HOMER1: variants seen among roughly 807,000 people sequenced by gnomAD.
HOMER1 encodes homer protein homolog 1.
A neutral mutation model predicts 48.9 loss-of-function variants in HOMER1; 3 were observed. That is an observed-to-expected ratio of 0.06 (90% CI 0.03 to 0.16). The LOEUF (loss-of-function observed/expected upper bound fraction) is 0.16, where lower values mean the gene tolerates loss of function less well. Among genes scored for constraint, HOMER1 ranks in the 10% least tolerant of loss-of-function variants. HOMER1 has a pLI of 1.00. For missense variants in HOMER1, 247 were observed against 411.4 expected, an observed-to-expected ratio of 0.60 and a Z score of 3.46; for synonymous variants, 134 against 146.4, an observed-to-expected ratio of 0.92 and a Z score of 0.61.
intron 5 of HOMER1, among the ~76,000 whole-genome samples, chr5:79,420,627 G>C (rs1750069943): frequency 6.6e-6 from 1 of 152,146 alleles, no homozygotes; most frequent in Non-Finnish European, 1.5e-5. Flanking sequence ...GTTCACTAAT[G>C]TTTGCCTGGC....
intron 1 of HOMER1, among the ~76,000 whole-genome samples, chr5:79,506,886 T>C (rs1480344307): frequency 6.6e-6 from 1 of 151,776 alleles, no homozygotes; most frequent in Non-Finnish European, 1.5e-5. Flanking sequence ...ATTCACATAC[T>C]GAAGACCATT....
chr5:79,486,584 A>G (rs1424051317), intron 1 of HOMER1, among the ~76,000 whole-genome samples: 4 of 152,226 alleles, frequency 2.6e-5, no homozygotes, highest in African/African-American at 9.7e-5. Context: ...GGTAAATACT[A>G]TTAGAACATC....
intron 1 of HOMER1, among the ~76,000 whole-genome samples, chr5:79,479,677 C>T (rs1228023718): frequency 6.6e-6 from 1 of 151,462 alleles, no homozygotes; most frequent in Non-Finnish European, 1.5e-5. Context: ...TGAGAATGAA[C>T]GTGTGTTGTT....
chr5:79,432,221 C>G (rs1750445179), intron 5 of HOMER1, among the ~76,000 whole-genome samples: 1 of 152,220 alleles, frequency 6.6e-6, no homozygotes, highest in Non-Finnish European at 1.5e-5. Flanking sequence ...TAGAGCAAAA[C>G]TGTCCGTATC....
At chr5:79,431,692 C>T (rs867077167) in intron 5 of HOMER1, among the ~76,000 whole-genome samples, 106 of 152,130 alleles carry the variant, frequency 7.0e-4, no homozygotes, top group African/African-American at 2.5e-3. Context: ...ACAATTTTGT[C>T]AACAGTGAAT....
chr5:79,443,487 G>A (rs559612840), intron 4 of HOMER1, among the ~76,000 whole-genome samples: 2 of 152,122 alleles, frequency 1.3e-5, no homozygotes, highest in South Asian at 4.1e-4. Flanking sequence ...GAATTCTGAC[G>A]CATAGTATTT....
chr5:79,470,778 C>T (rs1199002703), intron 1 of HOMER1, among the ~76,000 whole-genome samples: 1 of 152,116 alleles, frequency 6.6e-6, no homozygotes, highest in Non-Finnish European at 1.5e-5. Flanking sequence ...CTGAAAAACA[C>T]CTTAGCAATG....
chr5:79,409,754 C>T (rs964630011), intron 5 of HOMER1, among the ~76,000 whole-genome samples: 1 of 152,196 alleles, frequency 6.6e-6, no homozygotes, highest in African/African-American at 2.4e-5. Context: ...TAAACAGGTG[C>T]TAAGCACTTG....
intron 6 of HOMER1, among the ~76,000 whole-genome samples, chr5:79,400,851 C>A (rs1480268804): frequency 6.8e-6 from 1 of 147,404 alleles, no homozygotes; most frequent in Non-Finnish European, 1.5e-5. Flanking sequence ...CTCAAGCAAT[C>A]CTTCCCACTC....
intron 1 of HOMER1, among the ~76,000 whole-genome samples, chr5:79,486,342 G>A (rs771098861): frequency 2.0e-5 from 3 of 151,884 alleles, no homozygotes; most frequent in Non-Finnish European, 4.4e-5. Context: ...GAGACAATGA[G>A]AACAATGTGC....
chr5:79,390,310 CAAA>C (rs933849173), intron 8 of HOMER1, among the ~76,000 whole-genome samples: 1 of 151,236 alleles, frequency 6.6e-6, no homozygotes, highest in Admixed American at 6.6e-5. Flanking sequence ...AACAAACAAA[CAAA>C]AACCCCCAAA....
chr5:79,391,698 G>A (rs565271021), intron 8 of HOMER1, among the ~76,000 whole-genome samples: 99 of 151,186 alleles, frequency 6.5e-4, no homozygotes, highest in Non-Finnish European at 1.2e-3. Context: ...AGCTGAGATC[G>A]CGCCACTGCA....
chr5:79,431,068 C>G (rs2112263484), intron 5 of HOMER1, among the ~76,000 whole-genome samples: 1 of 152,336 alleles, frequency 6.6e-6, no homozygotes. Context: ...CAGTGGCTCA[C>G]ACCTGTAATC....
chr5:79,395,014 T>C (rs1449181484), intron 8 of HOMER1, among the ~76,000 whole-genome samples: 1 of 152,226 alleles, frequency 6.6e-6, no homozygotes, highest in African/African-American at 2.4e-5. Flanking sequence ...TGACTGTTTG[T>C]TGCTTGAAGA....
rs1748688832 is a variant in HOMER1, at chr5:79,373,654, A to G, written c.*2355T>C. On this transcript the variant is annotated 3_prime_UTR_variant, in exon 9 of 9. Coordinates refer to ENST00000334082, the MANE Select transcript of HOMER1 (RefSeq NM_004272.5). ...TAAAAGTCTTAAGAAGATTTTATTT[A>G]TATGTGCACTTGTGTCCACCTTATC... The G allele has an allele frequency of 6.6e-6, 1 of 152,014 alleles. No homozygotes were observed. 9.4% of individuals were successfully genotyped at this position (152,014 alleles called of 1,614,324 possible). A position where few individuals can be genotyped will look rare whatever the true frequency, so the allele number is the denominator to read the frequency against.
At chr5:79,486,546 GAT>G (rs1314303015) in intron 1 of HOMER1, among the ~76,000 whole-genome samples, 1 of 152,132 alleles carries the variant, frequency 6.6e-6, no homozygotes, top group Non-Finnish European at 1.5e-5. Flanking sequence ...TATTGCTATT[GAT>G]ATGTGTTAAT....
intron 8 of HOMER1, among the ~76,000 whole-genome samples, chr5:79,390,892 A>C (rs1462210603): frequency 6.6e-6 from 1 of 152,154 alleles, no homozygotes; most frequent in Non-Finnish European, 1.5e-5. Flanking sequence ...AGAAATAATA[A>C]TGAAAACATT....
At position 79,513,100 on chromosome 5, in the gene HOMER1, A is replaced by G; in HGVS notation, c.-326T>C. ...GAATCCGGCTTCACCGAGTCCTATA[A>G]AAAATGAGTTCGCTGGTCATTTCAC... On this transcript the variant is annotated 5_prime_UTR_variant, in exon 1 of 9. Coordinates refer to ENST00000334082, the MANE Select transcript of HOMER1 (RefSeq NM_004272.5). The G allele has an allele frequency of 2.7e-6, 1 of 371,614 alleles. No homozygotes were observed. The highest frequency in any genetic ancestry group is 4.9e-6 in the Non-Finnish European group (1 of 205,186). 23.0% of individuals were successfully genotyped at this position (371,614 alleles called of 1,614,324 possible). A position where few individuals can be genotyped will look rare whatever the true frequency, so the allele number is the denominator to read the frequency against.
At position 79,404,898 on chromosome 5, in the gene HOMER1, A is replaced by AG. The variant is rs541219348; in HGVS notation, c.528-2844dup. Among the ~76,000 whole-genome samples the AG allele has an allele frequency of 3.0e-3, 456 of 150,092 alleles. 6 individuals are homozygous for AG. Among genetic ancestry groups the AG allele is most frequent in the African/African-American group, 0.011 (432 of 40,704 alleles). ...TTTTTTTAATATTTTTAGTAGAGAT[A>AG]GGGTTTCACCATGTTGGCCAGGCTG... On this transcript the variant is annotated intron_variant, in intron 5 of 8. Transcript: ENST00000334082.
Sources: gnomAD v4.1 joint callset for allele counts (sites outside exome capture counted in the v4.1 genomes callset) on GRCh38, gnomAD v4.1.1 for gene constraint, MANE v1.5 for transcripts, NCBI Gene and HGNC (gene_info 2026-07-23, HGNC 2026-07-21) for gene names.